ENKUR: variants seen among roughly 807,000 people sequenced by gnomAD.
The protein encoded by ENKUR is enkurin.
In ENKUR, 19 loss-of-function variants were observed where a neutral mutation model predicts 27.6. That is an observed-to-expected ratio of 0.69 (90% CI 0.48 to 1.01). The LOEUF is 1.01. ENKUR is among the 50% of genes least tolerant of loss of function. The pLI is 0.00. For missense variants in ENKUR, 312 were observed against 310.5 expected, an observed-to-expected ratio of 1.00 and a Z score of -0.04; for synonymous variants, 117 against 96.9, an observed-to-expected ratio of 1.21 and a Z score of -1.22.
chr10:25,023,396 T>A (rs1188355520), intron 2 of ENKUR: 1 of 1,614,160 alleles, frequency 6.2e-7, no homozygotes. Flanking sequence ...GACAAAAATA[T>A]TATCCTGATG....
At chr10:25,042,397 C>T (rs1851074843) in intron 2 of ENKUR, among the ~76,000 whole-genome samples, 1 of 151,828 alleles carries the variant, frequency 6.6e-6, no homozygotes, top group South Asian at 2.1e-4. Flanking sequence ...CGGGTTCAAG[C>T]AATTCTCCTG....
chr10:24,989,802 C>G (rs1849885871), intron 4 of ENKUR, among the ~76,000 whole-genome samples: 1 of 152,080 alleles, frequency 6.6e-6, no homozygotes, highest in Non-Finnish European at 1.5e-5. Flanking sequence ...ATTTCTGCCT[C>G]TATAAGAGAC....
At position 25,002,710 on chromosome 10, in the gene ENKUR, T is replaced by A. The variant is rs1047271411; in HGVS notation, c.78-3164A>T. 2.6e-5 allele frequency among the ~76,000 whole-genome samples: 4 copies of A among 152,260 alleles called. No homozygotes were observed. In the South Asian group the frequency reaches 8.3e-4, roughly 31 times the overall value. On this transcript the variant is annotated intron_variant, in intron 1 of 5. Coordinates refer to ENST00000331161, the MANE Select transcript of ENKUR (RefSeq NM_145010.4). ...TATCTTCTTCCTTATGTAGATAAAT[T>A]TGTTTGAAGAAACATTATTGTTTTT...
At chr10:24,986,243 A>G (rs1206055657) in intron 4 of ENKUR, among the ~76,000 whole-genome samples, 1 of 152,200 alleles carries the variant, frequency 6.6e-6, no homozygotes, top group Non-Finnish European at 1.5e-5. Context: ...TTCAGGGACA[A>G]TACAATTTCA....
chr10:25,042,418 C>T (rs1851075255), intron 2 of ENKUR, among the ~76,000 whole-genome samples: 1 of 151,958 alleles, frequency 6.6e-6, no homozygotes, highest in African/African-American at 2.4e-5. Flanking sequence ...CCTCAGCCTC[C>T]CGAGTAGCTG....
At chr10:25,000,910 G>A (rs1033725960) in intron 1 of ENKUR, among the ~76,000 whole-genome samples, 1 of 152,032 alleles carries the variant, frequency 6.6e-6, no homozygotes, top group Non-Finnish European at 1.5e-5. Context: ...CAGTATACAG[G>A]TTTAACTTAT....
In ENKUR at chr10:24,990,377, G is replaced by A. The variant is rs183130377; in HGVS notation, c.594+86C>T. 37 of 1,482,376 alleles carry A rather than the reference G, an allele frequency of 2.5e-5. No individual in the cohort carries two copies. The Admixed American group carries it at 7.7e-4, about 31-fold the overall frequency. 91.8% of individuals were successfully genotyped at this position (1,482,376 alleles called of 1,614,324 possible). On this transcript the variant is annotated intron_variant, in intron 4 of 5. Transcript: ENST00000331161. ...GTTCTGATTTCAAAATCCAAGTGCT[G>A]ACTTTAATCATCAAAGTGATGGTAC...
intron 2 of ENKUR, among the ~76,000 whole-genome samples, chr10:25,035,834 A>C (rs1045053693): frequency 1.3e-5 from 2 of 152,218 alleles, no homozygotes; most frequent in African/African-American, 4.8e-5. Context: ...GTTTGACTCA[A>C]GGTCATTCTT....
intron 2 of ENKUR, among the ~76,000 whole-genome samples, chr10:25,021,442 A>T (rs1850716738): frequency 6.6e-6 from 1 of 152,216 alleles, no homozygotes; most frequent in African/African-American, 2.4e-5. Context: ...CAGCCAAATC[A>T]TTAAAATTCC....
chr10:24,995,883 C>T lies in ENKUR; in HGVS notation c.224-14G>A, dbSNP rs1850042596. ...CAAAGTTTTTTTCTGTTAAATATAA[C>T]ATTTCTTTGTTAATATTAAACTACA... is the stretch of plus-strand genomic sequence containing the variant. On this transcript the variant is annotated splice_polypyrimidine_tract_variant and intron_variant, in intron 2 of 5. Coordinates refer to ENST00000331161, the MANE Select transcript of ENKUR (RefSeq NM_145010.4). The T allele has an allele frequency of 6.3e-7, 1 of 1,586,750 alleles. No homozygotes were observed. Among genetic ancestry groups the T allele is most frequent in the Non-Finnish European group, 8.6e-7 (1 of 1,168,698 alleles).
At chr10:25,017,917 A>C (rs1321440348), upstream of ENKUR, among the ~76,000 whole-genome samples, 1 of 152,220 alleles carries the variant, frequency 6.6e-6, no homozygotes, top group Non-Finnish European at 1.5e-5. Context: ...CCATTAGCCA[A>C]GTGGATAGTC....
chr10:25,016,070 C>T lies in ENKUR; in HGVS notation c.-134G>A. 12 of 1,408,546 alleles carry T rather than the reference C, an allele frequency of 8.5e-6. No homozygotes were observed. Among genetic ancestry groups the T allele is most frequent in the Non-Finnish European group, 1.1e-5 (12 of 1,077,308 alleles). 87.3% of individuals were successfully genotyped at this position (1,408,546 alleles called of 1,614,324 possible). On this transcript the variant is annotated 5_prime_UTR_variant, in exon 1 of 6. In the 5' UTR this introduces an upstream ATG that the reference lacks. Coordinates refer to ENST00000331161, the MANE Select transcript of ENKUR (RefSeq NM_145010.4). ...GAAGGACCACAGGTTCTCTCCTTCA[C>T]ATCGTCCCCCTTTAACCCCCTCTTA...
chr10:25,025,073 A>G lies in ENKUR; in HGVS notation c.38-29204T>C, dbSNP rs1335107226. The G allele has an allele frequency of 1.9e-6, 3 of 1,614,106 alleles. No homozygotes were observed. In the African/African-American group the frequency reaches 4.0e-5, roughly 22 times the overall value. ...AAACTTCAGCAGGATTTTGTAGCTG[A>G]CTGGTGCTCTGAGGGAGAGTGCCTA... On this transcript the variant is annotated intron_variant, in intron 2 of 5. Transcript: ENST00000615958.
chr10:25,044,386 GTGTTTGTT>G (rs966874018), intron 2 of ENKUR, among the ~76,000 whole-genome samples: 1 of 152,050 alleles, frequency 6.6e-6, no homozygotes, highest in Non-Finnish European at 1.5e-5. Flanking sequence ...CTTAGGGTAG[GTGTTTGTT>G]TGTTTGTTTG....
chr10:24,984,810 C>G lies in ENKUR; in HGVS notation c.690G>C (p.Leu230=). ...GTTCTAGTTGTTTCATTTCTTCTTC[C>G]AGCCTCTGCTTGCGGATCTTCTTTG... is the stretch of plus-strand genomic sequence containing the variant. The part of the protein sequence containing the change: ...SIPKKIRKQR[L]EEEMKQLEHD... Residue 230 remains leucine, a synonymous_variant, in exon 5 of 6, where the codon CTG becomes CTC. Transcript: ENST00000331161. The G allele has an allele frequency of 6.2e-7, 1 of 1,613,654 alleles. No homozygotes were observed.
intron 2 of ENKUR, among the ~76,000 whole-genome samples, chr10:25,029,417 A>G (rs1850908296): frequency 6.6e-6 from 1 of 151,986 alleles, no homozygotes; most frequent in Admixed American, 6.5e-5. Context: ...AGAAGACAAT[A>G]AATTGTTTTG....
chr10:24,984,609 A>G, intron 5 of ENKUR, 127 bp downstream of exon 5: 4 of 1,091,522 alleles, frequency 3.7e-6, no homozygotes, highest in Non-Finnish European at 3.8e-6. Flanking sequence ...TTGCCTAAGC[A>G]TTCTGATTAA....
intron 2 of ENKUR, among the ~76,000 whole-genome samples, chr10:25,041,751 T>C (rs551237405): frequency 2.7e-4 from 41 of 152,372 alleles, no homozygotes; most frequent in African/African-American, 9.9e-4. Context: ...ATCTCCCATT[T>C]GGTTCTTTTC....
At chr10:25,038,417 T>A (rs1420668902) in intron 2 of ENKUR, among the ~76,000 whole-genome samples, 1 of 152,232 alleles carries the variant, frequency 6.6e-6, no homozygotes, top group Admixed American at 6.5e-5. Context: ...TTTGTTTTAC[T>A]TTTAGGAGGC....
Sources: allele counts gnomAD v4.1 joint callset (sites outside exome capture counted in the v4.1 genomes callset), GRCh38; gene constraint gnomAD v4.1.1; transcripts MANE v1.5; gene names NCBI Gene and HGNC (gene_info 2026-07-23, HGNC 2026-07-21).